The following SMCHD1 variants were observed in gnomAD, a reference collection of about 807,000 sequenced individuals.
SMCHD1 encodes the protein structural maintenance of chromosomes flexible hinge domain-containing protein 1.
SMCHD1 carries 78 observed loss-of-function variants against 254.7 expected under a neutral mutation model. That is an observed-to-expected ratio of 0.31 (90% CI 0.26 to 0.37). The LOEUF is 0.37. SMCHD1 is among the 10% of genes least tolerant of loss of function. The probability of loss-of-function intolerance (pLI) is 1.00; values close to 1 mark genes in which losing one functional copy is unlikely to be tolerated. For missense variants in SMCHD1, 1,840 were observed against 2,408.1 expected (o/e 0.76, Z 4.94); for synonymous variants, 766 against 794.9 (o/e 0.96, Z 0.61).
Position 2,769,785 on chromosome 18 carries a change from T to G in SMCHD1, c.4811T>G (p.Leu1604Ter). 6.2e-7 allele frequency: 1 copy of G among 1,605,116 alleles called. No individual in the cohort carries two copies. Among genetic ancestry groups the G allele is most frequent in the Non-Finnish European group, 8.5e-7 (1 of 1,174,800 alleles). Residue 1604 changes from leucine (L) to a stop codon, truncating the protein, a stop_gained, in exon 38 of 48, where the codon TTA (leucine) becomes TGA (stop). Coordinates refer to ENST00000320876, the MANE Select transcript of SMCHD1 (RefSeq NM_015295.3). LOFTEE classifies it high-confidence loss of function. ...EPRLPLLSRT[L>*]EPYILPFMFY... ...CGGCTACCACTTTTATCAAGAACCT[T>G]AGAACCATATATCCTACCGTTCATG... is the stretch of plus-strand genomic sequence containing the variant.
rs2076412208 is a variant in SMCHD1, at chr18:2,804,385, C to T, written c.*1833C>T. On this transcript the variant is annotated 3_prime_UTR_variant, in exon 48 of 48. Coordinates refer to ENST00000320876, the MANE Select transcript of SMCHD1 (RefSeq NM_015295.3). ...TCCTGGGTTCAAGCAGTCTTCCTGCCTTGGCCTCCTAAGTAGCAGGGATTA... is the reference window on the plus strand; with the variant it reads ...TCCTGGGTTCAAGCAGTCTTCCTGCTTTGGCCTCCTAAGTAGCAGGGATTA... 1 of 152,182 alleles carries T rather than the reference C, an allele frequency of 6.6e-6. No homozygotes were observed. The highest frequency in any genetic ancestry group is 6.5e-5 in the Admixed American group (1 of 15,280). The allele number at this position is 152,182 out of a possible 1,614,324, so 9.4% of individuals were successfully genotyped here. A position where few individuals can be genotyped will look rare whatever the true frequency, so the allele number is the denominator to read the frequency against.
intron 11 of SMCHD1, 26 bp from the exon 12 acceptor site, chr18:2,700,709 C>G: frequency 1.2e-6 from 2 of 1,605,044 alleles, no homozygotes; most frequent in Non-Finnish European, 1.7e-6. Context: ...AATTCTTTTA[C>G]TAACTAACAT....
intron 2 of SMCHD1, 105 bp from the exon 3 acceptor site, chr18:2,666,765 C>T: frequency 1.1e-6 from 1 of 909,454 alleles, no homozygotes; most frequent in Non-Finnish European, 1.6e-6. Flanking sequence ...TTTTCTTTAC[C>T]ATCATTAAAG....
rs2074385506 is a variant in SMCHD1, at chr18:2,700,935, T to G, written c.1647+17T>G. ...AATGGACAGGTATGATTTTTAAATA[T>G]AAAGTTGTGAATATTTGCAAATGTT... On this transcript the variant is annotated intron_variant, in intron 12 of 47. Transcript: ENST00000320876. 6.6e-7 allele frequency: 1 copy of G among 1,512,024 alleles called. No homozygotes were observed. Among genetic ancestry groups the G allele is most frequent in the Non-Finnish European group, 9.0e-7 (1 of 1,117,256 alleles). The allele number at this position is 1,512,024 out of a possible 1,614,324, so 93.7% of individuals were successfully genotyped here. A position where few individuals can be genotyped will look rare whatever the true frequency, so the allele number is the denominator to read the frequency against.
intron 5 of SMCHD1, among the ~76,000 whole-genome samples, chr18:2,682,048 A>T (rs2073942973): frequency 6.6e-6 from 1 of 152,232 alleles, no homozygotes. Context: ...ATACGTTTGT[A>T]ACATCTAAGC....
Position 2,802,592 on chromosome 18 carries a change from T to A in SMCHD1, c.*40T>A. ...AAGAGGCCATTGGTCTCAGTAAGAATGCCCTGCTTTCTGCATCTCTGTTTC... is the reference window on the plus strand; with the variant it reads ...AAGAGGCCATTGGTCTCAGTAAGAAAGCCCTGCTTTCTGCATCTCTGTTTC... On this transcript the variant is annotated 3_prime_UTR_variant, in exon 48 of 48. Transcript: ENST00000320876. 1 of 1,521,724 alleles carries A rather than the reference T, an allele frequency of 6.6e-7. No homozygotes were observed. The highest frequency in any genetic ancestry group is 8.9e-7 in the Non-Finnish European group (1 of 1,129,382). The allele number at this position is 1,521,724 out of a possible 1,614,324, so 94.3% of individuals were successfully genotyped here.
rs1056508580 is a variant in SMCHD1, at chr18:2,656,534, G to A, written c.186+273G>A. ...ACGGGAGGCCTTGCCGGCCCGGGTG[G>A]AGAGCTCAGCGTTTGTTGGCCCTGG... On this transcript the variant is annotated intron_variant, in intron 1 of 47. Coordinates refer to ENST00000320876, the MANE Select transcript of SMCHD1 (RefSeq NM_015295.3). Among the ~76,000 whole-genome samples the A allele has an allele frequency of 2.6e-5, 4 of 152,250 alleles. No individual in the cohort carries two copies. In the East Asian group the frequency reaches 7.7e-4, roughly 29 times the overall value.
At chr18:2,754,004 T>C (rs1333559402) in intron 34 of SMCHD1, among the ~76,000 whole-genome samples, 1 of 152,208 alleles carries the variant, frequency 6.6e-6, no homozygotes, top group Non-Finnish European at 1.5e-5. Flanking sequence ...AGTGCCTTTT[T>C]TGAGTATCTT....
intron 3 of SMCHD1, among the ~76,000 whole-genome samples, chr18:2,671,595 CTT>C (rs760647745): frequency 5.9e-5 from 7 of 119,588 alleles, no homozygotes; most frequent in Admixed American, 2.6e-4. Context: ...CTTTTCTTTT[CTT>C]TTTTTTTTTT....
At chr18:2,689,496 C>T in intron 7 of SMCHD1, among the ~76,000 whole-genome samples, 1 of 151,932 alleles carries the variant, frequency 6.6e-6, no homozygotes, top group East Asian at 1.9e-4. Context: ...GCTAGGATTA[C>T]AGACGTGAGC....
At chr18:2,759,478 A>C (rs1311038239) in intron 34 of SMCHD1, among the ~76,000 whole-genome samples, 1 of 110,258 alleles carries the variant, frequency 9.1e-6, no homozygotes. Context: ...TAACTCTAAC[A>C]TTTTCAAGCA....
chr18:2,663,413 A>G lies in SMCHD1; in HGVS notation c.187-2744A>G, dbSNP rs190298019. On this transcript the variant is annotated intron_variant, in intron 1 of 47. Transcript: ENST00000320876. Reference sequence around the variant, plus strand: ...AGCTGTGAACCACTGTGCCTGGCCCACTGTTTGTACCTTTTCAGAAATCCC... The same window carrying G: ...AGCTGTGAACCACTGTGCCTGGCCCGCTGTTTGTACCTTTTCAGAAATCCC... Among the ~76,000 whole-genome samples the G allele has an allele frequency of 1.2e-4, 18 of 152,108 alleles. No homozygotes were observed. The East Asian group carries it at 2.1e-3, about 18-fold the overall frequency.
chr18:2,736,985 G>A (rs2075263585), intron 25 of SMCHD1, among the ~76,000 whole-genome samples: 1 of 152,154 alleles, frequency 6.6e-6, no homozygotes, highest in South Asian at 2.1e-4. Context: ...CAAAGACATA[G>A]GTGCCTGTCG....
At chr18:2,708,907 T>TATATAA (rs769432583) in intron 17 of SMCHD1, among the ~76,000 whole-genome samples, 2,053 of 44,592 alleles carry the variant, frequency 0.046, 391 homozygotes, top group East Asian at 0.1. Flanking sequence ...TATATATATA[T>TATATAA]AACATATTAA....
At chr18:2,685,850 T>A (rs543040881) in intron 5 of SMCHD1, among the ~76,000 whole-genome samples, 1 of 152,366 alleles carries the variant, frequency 6.6e-6, no homozygotes, top group East Asian at 1.9e-4. Flanking sequence ...TACTGCGTTT[T>A]GTCTATCAGT....
intron 45 of SMCHD1, among the ~76,000 whole-genome samples, chr18:2,793,534 G>A (rs959022141): frequency 2.6e-5 from 4 of 151,762 alleles, no homozygotes; most frequent in East Asian, 1.9e-4. Flanking sequence ...GTGTGGTGGC[G>A]GGCGCCTGTA....
At chr18:2,689,191 T>C (rs1021073014) in intron 7 of SMCHD1, among the ~76,000 whole-genome samples, 1 of 151,524 alleles carries the variant, frequency 6.6e-6, no homozygotes, top group African/African-American at 2.4e-5. Flanking sequence ...TTCCTTCAAC[T>C]CTTCTTTGTT....
At chr18:2,664,690 C>T (rs1228286659) in intron 1 of SMCHD1, among the ~76,000 whole-genome samples, 1 of 152,074 alleles carries the variant, frequency 6.6e-6, no homozygotes, top group African/African-American at 2.4e-5. Context: ...GGTGTTTCAC[C>T]CACTCATAGC....
intron 7 of SMCHD1, 92 bp downstream of exon 7, chr18:2,688,839 G>T (rs1367962974): frequency 3.8e-6 from 3 of 794,610 alleles, no homozygotes; most frequent in Non-Finnish European, 5.5e-6. Flanking sequence ...TTTTCAAAAT[G>T]AGTTACCCTT....
Sources: gnomAD v4.1 joint callset for allele counts (sites outside exome capture counted in the v4.1 genomes callset) on GRCh38, gnomAD v4.1.1 for gene constraint, MANE v1.5 for transcripts, NCBI Gene and HGNC (gene_info 2026-07-23, HGNC 2026-07-21) for gene names.